Variants in ADAMTSL1 observed in about 807,000 individuals in gnomAD.
The protein encoded by ADAMTSL1 is ADAMTS-like protein 1.
ADAMTSL1 carries 126 observed loss-of-function variants against 201.8 expected under a neutral mutation model. The observed-to-expected ratio is 0.62, with a 90% confidence interval of 0.54 to 0.72. ADAMTSL1 has a LOEUF of 0.72. Ranked by LOEUF, ADAMTSL1 falls within the 30% of genes least tolerant of loss-of-function variation. The pLI, the probability that ADAMTSL1 is intolerant of heterozygous loss-of-function variation, is 0.00. For synonymous variants in ADAMTSL1, 1,121 were observed against 903.4 expected (o/e 1.24, Z -4.32); for missense variants, 2,679 against 2,277.8 (o/e 1.18, Z -3.59).
At chr9:17,917,030 C>T (rs1826122087) in intron 1 of ADAMTSL1, among the ~76,000 whole-genome samples, 1 of 151,978 alleles carries the variant, frequency 6.6e-6, no homozygotes, top group South Asian at 2.1e-4. Context: ...TTTTAAATGA[C>T]ATTTTAAAAA....
At chr9:18,841,874 A>T (rs1055231812) in intron 23 of ADAMTSL1, among the ~76,000 whole-genome samples, 1 of 152,244 alleles carries the variant, frequency 6.6e-6, no homozygotes, top group East Asian at 1.9e-4. Context: ...CTGTGGGATC[A>T]GTGGTGATAT....
chr9:18,221,104 C>G lies in ADAMTSL1; in HGVS notation c.207+57123C>G, dbSNP rs142503163. ...ACTCCTAAATTTTAAGCATGCATAC[C>G]TTGTTAAAGAAAATCTAAATTAGTA... On this transcript the variant is annotated intron_variant, in intron 2 of 29. Transcript: ENST00000680146. Among the ~76,000 whole-genome samples, 392 of 152,208 alleles carry G rather than the reference C, an allele frequency of 2.6e-3. 2 individuals carry two copies. The highest frequency in any genetic ancestry group is 8.8e-3 in the African/African-American group (364 of 41,540).
chr9:18,500,980 T>C (rs1265198000), intron 1 of ADAMTSL1, among the ~76,000 whole-genome samples: 4 of 152,210 alleles, frequency 2.6e-5, no homozygotes, highest in East Asian at 1.9e-4. Context: ...ACCTTCCTTT[T>C]GAGACATTGA....
intron 2 of ADAMTSL1, among the ~76,000 whole-genome samples, chr9:18,387,574 CT>C (rs1364145574): frequency 6.6e-6 from 1 of 152,004 alleles, no homozygotes; most frequent in Non-Finnish European, 1.5e-5. Context: ...ACACCACTTG[CT>C]TTTTTCTTAA....
At chr9:18,107,148 C>T (rs1174585999) in intron 1 of ADAMTSL1, among the ~76,000 whole-genome samples, 2 of 152,128 alleles carry the variant, frequency 1.3e-5, no homozygotes, top group Non-Finnish European at 2.9e-5. Context: ...CCATGCCTGT[C>T]ATGAGGGTAT....
intron 1 of ADAMTSL1, among the ~76,000 whole-genome samples, chr9:17,961,341 C>T (rs903019253): frequency 4.6e-5 from 7 of 152,058 alleles, no homozygotes; most frequent in Admixed American, 1.3e-4. Flanking sequence ...CTCCACCTCC[C>T]GGGTTCAAGT....
chr9:17,952,202 C>T (rs1410394668), intron 1 of ADAMTSL1, among the ~76,000 whole-genome samples: 7 of 151,578 alleles, frequency 4.6e-5, no homozygotes, highest in South Asian at 4.2e-4. Context: ...AATCCTCCTG[C>T]CTCAGCCACC....
intron 1 of ADAMTSL1, among the ~76,000 whole-genome samples, chr9:17,967,220 A>T (rs2131415150): frequency 6.6e-6 from 1 of 152,260 alleles, no homozygotes. Context: ...TGGAATGTCT[A>T]AGAATTCCTG....
At chr9:18,413,412 G>A (rs1417878630) in intron 2 of ADAMTSL1, among the ~76,000 whole-genome samples, 3 of 152,150 alleles carry the variant, frequency 2.0e-5, no homozygotes, top group South Asian at 2.1e-4. Context: ...TGATCCACCC[G>A]CCTCAGCCTC....
chr9:18,020,479 G>T (rs928707999), intron 1 of ADAMTSL1, among the ~76,000 whole-genome samples: 1 of 152,068 alleles, frequency 6.6e-6, no homozygotes, highest in Non-Finnish European at 1.5e-5. Context: ...AGCCATGTGA[G>T]TGAGTCTGGA....
At chr9:18,873,199 G>A (rs755983430) in intron 23 of ADAMTSL1, among the ~76,000 whole-genome samples, 3 of 152,164 alleles carry the variant, frequency 2.0e-5, no homozygotes, top group Middle Eastern at 3.4e-3. Context: ...CTGGATATTA[G>A]TCCTTTGCCA....
At chr9:17,968,291 C>T (rs1818057859) in intron 1 of ADAMTSL1, among the ~76,000 whole-genome samples, 1 of 152,076 alleles carries the variant, frequency 6.6e-6, no homozygotes, top group Non-Finnish European at 1.5e-5. Flanking sequence ...GGTATGGATG[C>T]ATTTGTGTGT....
chr9:18,748,495 G>A (rs1279578766), intron 15 of ADAMTSL1, among the ~76,000 whole-genome samples: 3 of 152,268 alleles, frequency 2.0e-5, no homozygotes, highest in African/African-American at 7.2e-5. Context: ...ACACAAAGTG[G>A]GATGCAGCCT....
At chr9:18,062,482 C>A (rs2131703470) in intron 1 of ADAMTSL1, among the ~76,000 whole-genome samples, 1 of 152,016 alleles carries the variant, frequency 6.6e-6, no homozygotes, top group East Asian at 1.9e-4. Context: ...ATCAATTATC[C>A]TTTTATTTGG....
chr9:18,323,835 T>C (rs1834722340), intron 2 of ADAMTSL1, among the ~76,000 whole-genome samples: 1 of 152,156 alleles, frequency 6.6e-6, no homozygotes, highest in Admixed American at 6.5e-5. Flanking sequence ...CAAATAGGCC[T>C]AAATAAATGG....
At chr9:18,835,628 C>T (rs1340578226) in intron 23 of ADAMTSL1, among the ~76,000 whole-genome samples, 1 of 151,938 alleles carries the variant, frequency 6.6e-6, no homozygotes, top group African/African-American at 2.4e-5. Flanking sequence ...AATATAGTAC[C>T]CAATAGTTTT....
intron 1 of ADAMTSL1, among the ~76,000 whole-genome samples, chr9:17,927,357 TATATACATATGTGC>T (rs1826583386): frequency 6.6e-6 from 1 of 152,298 alleles, no homozygotes; most frequent in African/African-American, 2.4e-5. Context: ...TACATGTACA[TATATACATATGTGC>T]ATATACATGC....
At chr9:18,070,177 G>T (rs759319045) in intron 1 of ADAMTSL1, among the ~76,000 whole-genome samples, 4 of 152,178 alleles carry the variant, frequency 2.6e-5, no homozygotes, top group Non-Finnish European at 2.9e-5. Context: ...AGCATTCAAA[G>T]AACCAGAATA....
chr9:18,145,669 T>C (rs1826608333), intron 1 of ADAMTSL1, among the ~76,000 whole-genome samples: 1 of 152,150 alleles, frequency 6.6e-6, no homozygotes, highest in Non-Finnish European at 1.5e-5. Context: ...CTATAATATA[T>C]GAGAAAACCT....
Sources: allele counts gnomAD v4.1 joint callset (sites outside exome capture counted in the v4.1 genomes callset), GRCh38; gene constraint gnomAD v4.1.1; transcripts MANE v1.5; gene names NCBI Gene and HGNC (gene_info 2026-07-23, HGNC 2026-07-21).